Variants in TH observed in about 807,000 individuals in gnomAD.
The protein encoded by TH is tyrosine hydroxylase, also known as tyrosine 3-monooxygenase.
In TH, 49 loss-of-function variants were observed where a neutral mutation model predicts 57.4. The observed-to-expected ratio is 0.85, with a 90% CI of 0.68 to 1.08. TH has a LOEUF of 1.08. Among genes scored for constraint, TH ranks in the 50% least tolerant of loss-of-function variants. The pLI is 0.00. For synonymous variants in TH, 330 were observed against 304.5 expected, an observed-to-expected ratio of 1.08 and a Z score of -0.87; for missense variants, 720 against 696.7, an observed-to-expected ratio of 1.03 and a Z score of -0.38.
chr11:2,167,547 A>G, intron 5 of TH, 62 bp from the exon 6 acceptor site: 3 of 1,528,758 alleles, frequency 2.0e-6, no homozygotes, highest in Non-Finnish European at 2.6e-6. Context: ...GGAGGGAGGG[A>G]GGGAGCTTCA....
chr11:2,168,250 A>AGC, intron 3 of TH, 71 bp from the exon 4 acceptor site: 1 of 1,535,266 alleles, frequency 6.5e-7, no homozygotes, highest in South Asian at 1.1e-5. Context: ...ACCTTGAAGC[A>AGC]GCCTCCCCTA....
intron 3 of TH, 118 bp downstream of exon 3, chr11:2,168,373 C>A: frequency 6.8e-7 from 1 of 1,460,574 alleles, no homozygotes. Flanking sequence ...GAGTGGAGCC[C>A]GCAGAGAGGG....
chr11:2,164,847 G>C (rs1335212840), intron 12 of TH, among the ~76,000 whole-genome samples: 1 of 152,106 alleles, frequency 6.6e-6, no homozygotes, highest in East Asian at 1.9e-4. Flanking sequence ...CTGCACCAAA[G>C]GCCCCCAGCC....
Position 2,166,678 on chromosome 11 carries a change from G to A in TH, c.932C>T (p.Thr311Ile). The part of the protein sequence containing the change: ...ASLAFRVFQC[T>I]QYIRHASSPM... ...CGAGGACGCGTGGCGGATATACTGG[G>A]TGCACTGGAACACGCGGAAGGCCAG... Residue 311 changes from threonine to isoleucine, a missense_variant, in exon 8 of 13, where the codon ACC becomes ATC. Thr to Ile is a moderately conservative substitution (Grantham distance 89). Transcript: ENST00000352909. 6.4e-7 allele frequency: 1 copy of A among 1,566,220 alleles called. No homozygotes were observed. Among genetic ancestry groups the A allele is most frequent in the Non-Finnish European group, 8.7e-7 (1 of 1,156,032 alleles).
At chr11:2,167,410 G>C (rs200844034) in intron 6 of TH, 25 bp downstream of exon 6, 2 of 1,555,094 alleles carry the variant, frequency 1.3e-6, no homozygotes, top group South Asian at 2.4e-5. Flanking sequence ...CTCCTCCCCA[G>C]CCCCTAGCTG....
rs372409517 is a variant in TH at position 2,167,926 on chromosome 11, G to T, written c.584C>A (p.Ser195Ter). The T allele has an allele frequency of 1.2e-6, 2 of 1,611,490 alleles. No individual in the cohort carries two copies. The highest frequency in any genetic ancestry group is 1.7e-6 in the Non-Finnish European group (2 of 1,179,386). The change falls in exon 5 of 13, where the codon TCG (serine) becomes TAG (stop). Residue 195 changes from serine (S) to a stop codon, truncating the protein, a stop_gained. Coordinates refer to ENST00000352909, the MANE Select transcript of TH (RefSeq NM_000360.4). LOFTEE classifies it high-confidence loss of function. Reference sequence around the variant, plus strand: ...CCTGCGCTGGCGGTACACCTGGTCCGAGAAGCCCTGAGGGCAGAGGGGATG... The same window carrying T: ...CCTGCGCTGGCGGTACACCTGGTCCTAGAAGCCCTGAGGGCAGAGGGGATG... ...PDLDLDHPGF[S>*]DQVYRQRRKL...
intron 12 of TH, 111 bp from the exon 13 acceptor site, chr11:2,164,503 C>A: frequency 7.7e-7 from 1 of 1,304,178 alleles, no homozygotes; most frequent in Non-Finnish European, 1.0e-6. Flanking sequence ...TCAGAGCTCC[C>A]AGGGCTTTTC....
rs1846220957 is a variant in TH, at chr11:2,170,381, C to T, written c.91-510G>A. ...CCCATCAGGACACCTGTCCTCGGGC[C>T]CTGCCCCTCTGTGCCACCCCGCAGG... On this transcript the variant is annotated intron_variant, in intron 1 of 12. Transcript: ENST00000352909. The surrounding 1 kb of genome is among the most constrained non-coding windows in gnomAD (Gnocchi z 6.0). 6.6e-6 allele frequency among the ~76,000 whole-genome samples: 1 copy of T among 152,148 alleles called. No individual in the cohort carries two copies. Among genetic ancestry groups the T allele is most frequent in the Non-Finnish European group, 1.5e-5 (1 of 68,022 alleles).
At chr11:2,165,843 C>T in intron 10 of TH, 80 bp from the exon 11 acceptor site, 2 of 1,537,066 alleles carry the variant, frequency 1.3e-6, no homozygotes, top group South Asian at 2.3e-5. Flanking sequence ...GACCAGGATA[C>T]CACCCCCAGG....
rs1468608879 is a variant in TH, at chr11:2,168,150, G to T, written c.517C>A (p.Leu173Met). 3.7e-6 allele frequency: 6 copies of T among 1,613,506 alleles called. 1 individual carries two copies. The Admixed American group carries it at 1.0e-4, about 27-fold the overall frequency. Reference protein sequence around the residue: ...VPWFPRKVSELDKCHHLVTKF... With the variant: ...VPWFPRKVSEMDKCHHLVTKF... ...GTGACCAGGTGATGACACTTGTCCAGCTCTGACACTTTTCTTGGGAACCAG... is the reference window on the plus strand; with the variant it reads ...GTGACCAGGTGATGACACTTGTCCATCTCTGACACTTTTCTTGGGAACCAG... The change falls in exon 4 of 13, where the codon CTG becomes ATG. Residue 173 changes from leucine to methionine, a missense_variant. Physicochemically the swap from Leu to Met is conservative, Grantham distance 15. Transcript: ENST00000352909.
intron 5 of TH, 122 bp downstream of exon 5, chr11:2,167,744 T>C: frequency 7.8e-7 from 1 of 1,287,666 alleles, no homozygotes; most frequent in Admixed American, 2.0e-5. Flanking sequence ...CAGAGCTGCC[T>C]GGCAGGAGGC....
chr11:2,171,767 G>T lies in TH; in HGVS notation c.20C>A (p.Thr7Asn). 1 of 1,612,454 alleles carries T rather than the reference G, an allele frequency of 6.2e-7. No individual in the cohort carries two copies. The highest frequency in any genetic ancestry group is 1.1e-5 in the South Asian group (1 of 91,060). The change falls in exon 1 of 13, where the codon ACC becomes AAC. Residue 7 changes from threonine (T) to asparagine (N), a missense_variant. Coordinates refer to ENST00000352909, the MANE Select transcript of TH (RefSeq NM_000360.4). This position sits in a 1 kb window ranked among gnomAD's most constrained non-coding sequence, Gnocchi z 8.6. The part of the protein sequence containing the change: MPTPDA[T>N]TPQAKGFRRA... ...GCGGAAGCCCTTGGCCTGTGGCGTG[G>T]TGGCGTCGGGGGTGGGCATGGCTCA... is the stretch of plus-strand genomic sequence containing the variant.
In TH at chr11:2,171,559, C is replaced by T; in HGVS notation, c.90+138G>A. ...GGATGCCGCTGTGCCCAGGCCTCCA[C>T]ATCCACGCCGCGTCCCAGGGGTTTG... On this transcript the variant is annotated intron_variant, in intron 1 of 12. Transcript: ENST00000352909. This position sits in a 1 kb window ranked among gnomAD's most constrained non-coding sequence, Gnocchi z 8.6. 1 of 897,940 alleles carries T rather than the reference C, an allele frequency of 1.1e-6. No individual in the cohort carries two copies. The highest frequency in any genetic ancestry group is 1.7e-6 in the Non-Finnish European group (1 of 574,104). 55.6% of individuals were successfully genotyped at this position (897,940 alleles called of 1,614,324 possible).
At chr11:2,165,114 C>A in intron 12 of TH, 118 bp downstream of exon 12, 1 of 1,487,498 alleles carries the variant, frequency 6.7e-7, no homozygotes, top group Non-Finnish European at 9.3e-7. Flanking sequence ...AACCAGGGGT[C>A]GGTTTTCTCA....
Position 2,168,664 on chromosome 11 carries a change from G to T in TH, c.314C>A (p.Thr105Lys). 6.9e-7 allele frequency: 1 copy of T among 1,445,224 alleles called. No homozygotes were observed. The allele number at this position is 1,445,224 out of a possible 1,614,324, so 89.5% of individuals were successfully genotyped here. A position where few individuals can be genotyped will look rare whatever the true frequency, so the allele number is the denominator to read the frequency against. The change falls in exon 3 of 13, where the codon ACG becomes AAG. Residue 105 changes from threonine to lysine, a missense_variant and splice_region_variant. By Grantham distance (78) the Thr-to-Lys change is moderately conservative. Coordinates refer to ENST00000352909, the MANE Select transcript of TH (RefSeq NM_000360.4). ...TAGATGGTGGATTTTGGCTTCAAAC[G>T]TCTTAGGGAGCAAAAGCAGGAAGAG... Reference protein sequence around the residue: ...ALSRAVKVFETFEAKIHHLET... With the variant: ...ALSRAVKVFEKFEAKIHHLET...
intron 12 of TH, 63 bp downstream of exon 12, chr11:2,165,169 G>A: frequency 6.2e-7 from 1 of 1,610,966 alleles, no homozygotes; most frequent in East Asian, 2.2e-5. Flanking sequence ...AAGGCCAGAA[G>A]GAAGGCCTGG....
rs1333537130 is a variant in TH, at chr11:2,168,427, G to A, written c.487+64C>T. ...TGGTCACTGTAGGGTCCCCCTGCAGGAGCCCCTGCACCCCAGCCTCTCAAG... is the reference window on the plus strand; with the variant it reads ...TGGTCACTGTAGGGTCCCCCTGCAGAAGCCCCTGCACCCCAGCCTCTCAAG... On this transcript the variant is annotated intron_variant, in intron 3 of 12. Coordinates refer to ENST00000352909, the MANE Select transcript of TH (RefSeq NM_000360.4). 7.5e-6 allele frequency: 12 copies of A among 1,599,628 alleles called. No homozygotes were observed. In the African/African-American group the frequency reaches 1.1e-4, roughly 14 times the overall value.
chr11:2,167,627 C>T, intron 5 of TH, 142 bp from the exon 6 acceptor site: 3 of 1,162,346 alleles, frequency 2.6e-6, no homozygotes, highest in Non-Finnish European at 3.7e-6. Flanking sequence ...GAGGGTGCAC[C>T]CCAGCTGACT....
chr11:2,165,806 C>T (rs983436658), intron 10 of TH, 43 bp from the exon 11 acceptor site: 22 of 1,589,352 alleles, frequency 1.4e-5, no homozygotes, highest in Non-Finnish European at 1.6e-5. Flanking sequence ...ACAGCTGCCG[C>T]CCACCGGGCA....
Sources: allele counts gnomAD v4.1 joint callset (sites outside exome capture counted in the v4.1 genomes callset), GRCh38; gene constraint gnomAD v4.1.1; non-coding constraint Gnocchi (gnomAD v3.1); transcripts MANE v1.5; gene names NCBI Gene and HGNC (gene_info 2026-07-23, HGNC 2026-07-21).